ASCC2: variants seen among roughly 807,000 people sequenced by gnomAD.
ASCC2 encodes the protein ASC-1 complex subunit P100.
A neutral mutation model predicts 93.5 loss-of-function variants in ASCC2; 42 were observed. That is an observed-to-expected ratio of 0.45 (90% CI 0.35 to 0.58). The LOEUF (loss-of-function observed/expected upper bound fraction) is 0.58. ASCC2 is among the 20% of genes least tolerant of loss of function. The pLI, the probability that ASCC2 is intolerant of heterozygous loss-of-function variation, is 0.00. For missense variants in ASCC2, 859 were observed against 977.6 expected (o/e 0.88, Z 1.62); for synonymous variants, 364 against 384.2 (o/e 0.95, Z 0.62).
intron 7 of ASCC2, among the ~76,000 whole-genome samples, chr22:29,814,273 G>A (rs1038145668): frequency 6.6e-6 from 1 of 152,220 alleles, no homozygotes; most frequent in Non-Finnish European, 1.5e-5. Flanking sequence ...GTCTGCTTTT[G>A]TTTACTGCTT....
At chr22:29,832,794 G>A (rs915150433) in intron 1 of ASCC2, among the ~76,000 whole-genome samples, 2 of 151,406 alleles carry the variant, frequency 1.3e-5, no homozygotes, top group African/African-American at 4.9e-5. Context: ...GTTGTCCAGT[G>A]AAGTGGTGAG....
At chr22:29,836,274 T>C (rs1238692499) in intron 1 of ASCC2, among the ~76,000 whole-genome samples, 1 of 149,230 alleles carries the variant, frequency 6.7e-6, no homozygotes, top group Non-Finnish European at 1.5e-5. Flanking sequence ...ACAGGACCAG[T>C]TTAAAAAGAG....
chr22:29,806,655 G>A, intron 10 of ASCC2, 102 bp from the exon 11 acceptor site: 1 of 1,432,696 alleles, frequency 7.0e-7, no homozygotes, highest in South Asian at 1.2e-5. Context: ...CCCAGTGGAG[G>A]AATGAGGCAT....
chr22:29,811,657 C>T (rs1454491323), intron 8 of ASCC2, among the ~76,000 whole-genome samples: 3 of 152,180 alleles, frequency 2.0e-5, no homozygotes, highest in Non-Finnish European at 4.4e-5. Flanking sequence ...GGCAGTGTTG[C>T]CTTTAGTCAA....
chr22:29,806,841 G>A lies in ASCC2; in HGVS notation c.972C>T (p.His324=). ...GGAGGCAGATCTGGTTCAGGATGAT[G>A]TGGAAAATCTCCATTAGCTTCTTCC... ...HSRKKLMEIF[H]IILNQICLLP... Residue 324 remains histidine, a synonymous_variant, in exon 10 of 20, where the codon CAC becomes CAT. Coordinates refer to ENST00000307790, the MANE Select transcript of ASCC2 (RefSeq NM_032204.5). 6.2e-7 allele frequency: 1 copy of A among 1,614,108 alleles called. No homozygotes were observed. The highest frequency in any genetic ancestry group is 8.5e-7 in the Non-Finnish European group (1 of 1,179,950).
At chr22:29,806,628 C>G in intron 10 of ASCC2, 75 bp from the exon 11 acceptor site, 1 of 1,503,834 alleles carries the variant, frequency 6.6e-7, no homozygotes. Flanking sequence ...ACCCGCTGCC[C>G]CTCTTTAAGG....
intron 6 of ASCC2, among the ~76,000 whole-genome samples, chr22:29,815,523 A>G (rs36578): frequency 0.77 from 116,721 of 152,032 alleles, 45,157 homozygotes; most frequent in East Asian, 0.9. Flanking sequence ...CCATTTTAAG[A>G]AGGCTAGCAT....
At position 29,823,766 on chromosome 22, in the gene ASCC2, G is replaced by C. The variant is rs150515762; in HGVS notation, c.412-1302C>G. Among the ~76,000 whole-genome samples, 689 of 150,522 alleles carry C rather than the reference G, an allele frequency of 4.6e-3. 4 individuals are homozygous for C. Among genetic ancestry groups the C allele is most frequent in the South Asian group, 0.032 (153 of 4,778 alleles). ...GGGAGGCTGAGGTAGGAGAATGCTT[G>C]AATCCAGGAGGCGGAGGTTGCAGTG... On this transcript the variant is annotated intron_variant, in intron 4 of 19. Coordinates refer to ENST00000307790, the MANE Select transcript of ASCC2 (RefSeq NM_032204.5).
intron 2 of ASCC2, among the ~76,000 whole-genome samples, chr22:29,831,254 T>C (rs945028639): frequency 3.3e-5 from 5 of 152,210 alleles, no homozygotes; most frequent in African/African-American, 7.2e-5. Flanking sequence ...AGAGGCTTTA[T>C]AGCAGAAAGA....
At chr22:29,814,563 T>G (rs2060621071) in intron 7 of ASCC2, 94 bp downstream of exon 7, 2 of 1,008,678 alleles carry the variant, frequency 2.0e-6, no homozygotes, top group Admixed American at 6.0e-5. Flanking sequence ...GGCCACTGGG[T>G]CCTCTACTGG....
chr22:29,788,637 C>G lies in ASCC2; in HGVS notation c.*376G>C. The G allele has an allele frequency of 4.1e-6, 1 of 246,092 alleles. No homozygotes were observed. The highest frequency in any genetic ancestry group is 5.8e-5 in the South Asian group (1 of 17,096). 15.2% of individuals were successfully genotyped at this position (246,092 alleles called of 1,614,324 possible). Reference sequence around the variant, plus strand: ...TTGAAAGGGTCAAAAATTTTATTAGCAGGACTTTTTGTGTTTTTGAATATA... The same window carrying G: ...TTGAAAGGGTCAAAAATTTTATTAGGAGGACTTTTTGTGTTTTTGAATATA... On this transcript the variant is annotated 3_prime_UTR_variant, in exon 20 of 20. Transcript: ENST00000307790.
chr22:29,792,292 G>A, intron 18 of ASCC2, 141 bp downstream of exon 18: 1 of 1,442,388 alleles, frequency 6.9e-7, no homozygotes, highest in Non-Finnish European at 9.3e-7. Flanking sequence ...CAGACATCCT[G>A]GGCTCAAAGG....
At chr22:29,821,056 C>T (rs573106213) in intron 5 of ASCC2, among the ~76,000 whole-genome samples, 1 of 152,182 alleles carries the variant, frequency 6.6e-6, no homozygotes, top group African/African-American at 2.4e-5. Flanking sequence ...GGTGAGCACC[C>T]CTCTGTGCCA....
chr22:29,788,916 G>C lies in ASCC2; in HGVS notation c.*97C>G. The C allele has an allele frequency of 6.7e-7, 1 of 1,491,524 alleles. No homozygotes were observed. The highest frequency in any genetic ancestry group is 9.2e-7 in the Non-Finnish European group (1 of 1,086,070). 92.4% of individuals were successfully genotyped at this position (1,491,524 alleles called of 1,614,324 possible). On this transcript the variant is annotated 3_prime_UTR_variant, in exon 20 of 20. Coordinates refer to ENST00000307790, the MANE Select transcript of ASCC2 (RefSeq NM_032204.5). ...AAAGCTGAGGCTGTTGAGGGGTTGAGTTGAACTTGGGGCCCCTAGTGAGGA... is the reference window on the plus strand; with the variant it reads ...AAAGCTGAGGCTGTTGAGGGGTTGACTTGAACTTGGGGCCCCTAGTGAGGA...
chr22:29,814,666 C>T lies in ASCC2; in HGVS notation c.711G>A (p.Met237Ile), dbSNP rs747019006. ...CGAAGGGCAACCTTACCAGGAGAGG[C>T]ATGTCACTGGGGGTCAATCGGCCCC... ...EERGRLTPSD[M>I]PLLELKDIVL... is the part of the protein sequence containing the mutation. The change falls in exon 7 of 20, where the codon ATG becomes ATA. Residue 237 changes from methionine (M) to isoleucine (I), a missense_variant. Coordinates refer to ENST00000307790, the MANE Select transcript of ASCC2 (RefSeq NM_032204.5). 1.5e-5 allele frequency: 24 copies of T among 1,598,256 alleles called. No homozygotes were observed. The highest frequency in any genetic ancestry group is 5.4e-5 in the African/African-American group (4 of 73,846).
intron 9 of ASCC2, among the ~76,000 whole-genome samples, chr22:29,807,403 C>T (rs921011519): frequency 1.3e-5 from 2 of 152,168 alleles, no homozygotes; most frequent in Non-Finnish European, 2.9e-5. Context: ...AAGATAGCTG[C>T]TTCCAGGGCT....
In ASCC2 at chr22:29,789,126, G is replaced by A. The variant is rs2068527446; in HGVS notation, c.2161C>T (p.Arg721Cys). The A allele has an allele frequency of 2.5e-6, 4 of 1,614,154 alleles. No homozygotes were observed. Among genetic ancestry groups the A allele is most frequent in the Non-Finnish European group, 3.4e-6 (4 of 1,180,018 alleles). Reference sequence around the variant, plus strand: ...TTCCTGCGTTCCTGGGTTGTCTCGCGGCTCTGCCCATGGCCTCGGGGGCTG... The same window carrying A: ...TTCCTGCGTTCCTGGGTTGTCTCGCAGCTCTGCCCATGGCCTCGGGGGCTG... ...AGSPRGHGQS[R>C]ETTQERRKKE... The change falls in exon 20 of 20, where the codon CGC becomes TGC. Residue 721 changes from arginine (R) to cysteine (C), a missense_variant. Transcript: ENST00000307790.
In ASCC2 at chr22:29,824,342, T is replaced by C. The variant is rs149440596; in HGVS notation, c.411+745A>G. Among the ~76,000 whole-genome samples, 42 of 151,718 alleles carry C rather than the reference T, an allele frequency of 2.8e-4. No individual in the cohort carries two copies. In the East Asian group the frequency reaches 7.6e-3, roughly 27 times the overall value. On this transcript the variant is annotated intron_variant, in intron 4 of 19. Transcript: ENST00000307790. ...AATATGCATGTAATAGGGTTGGGTGTAGTGGCTCATGCCTGTAATTCCAGC... is the reference window on the plus strand; with the variant it reads ...AATATGCATGTAATAGGGTTGGGTGCAGTGGCTCATGCCTGTAATTCCAGC...
At chr22:29,827,535 CAT>C (rs1051373657) in intron 2 of ASCC2, 3 of 470,002 alleles carry the variant, frequency 6.4e-6, no homozygotes, top group Non-Finnish European at 1.3e-5. Context: ...GGCCACCTCT[CAT>C]GTGGGTCTGC....
Sources: allele counts gnomAD v4.1 joint callset (sites outside exome capture counted in the v4.1 genomes callset), GRCh38; gene constraint gnomAD v4.1.1; transcripts MANE v1.5; gene names NCBI Gene and HGNC (gene_info 2026-07-23, HGNC 2026-07-21).